Variants in HMGN3 observed in about 807,000 individuals in gnomAD.
HMGN3 encodes the protein high mobility group nucleosome-binding domain-containing protein 3.
In HMGN3, 6 loss-of-function variants were observed where a neutral mutation model predicts 18.8. The ratio of observed to expected loss-of-function variants is 0.32; its 90% CI spans 0.18 to 0.63. HMGN3 has a LOEUF of 0.63. Among genes scored for constraint, HMGN3 ranks in the 30% least tolerant of loss-of-function variants. HMGN3 has a pLI of 0.79. For synonymous variants in HMGN3, 40 were observed against 36.5 expected (o/e 1.10, Z -0.35); for missense variants, 107 against 114.2 (o/e 0.94, Z 0.29).
intron 3 of HMGN3, among the ~76,000 whole-genome samples, chr6:79,203,953 A>G (rs1269410943): frequency 6.6e-6 from 1 of 152,240 alleles, no homozygotes; most frequent in Non-Finnish European, 1.5e-5. Context: ...ACAGCACAGC[A>G]GCAAGAGGAA....
At chr6:79,222,455 T>C (rs1377522578) in intron 1 of HMGN3, among the ~76,000 whole-genome samples, 1 of 152,224 alleles carries the variant, frequency 6.6e-6, no homozygotes, top group Non-Finnish European at 1.5e-5. Flanking sequence ...AGGTTAATTC[T>C]CTCCACAAAT....
intron 1 of HMGN3, among the ~76,000 whole-genome samples, chr6:79,228,057 C>A (rs1777647165): frequency 6.6e-6 from 1 of 152,220 alleles, no homozygotes. Flanking sequence ...AGCTATAACC[C>A]CCAACCCTTT....
chr6:79,220,394 T>C (rs1434090002), intron 1 of HMGN3, among the ~76,000 whole-genome samples: 1 of 152,162 alleles, frequency 6.6e-6, no homozygotes, highest in Non-Finnish European at 1.5e-5. Context: ...TAATGACAAG[T>C]GACAGAGGGA....
At chr6:79,216,294 A>G (rs1168093085) in intron 1 of HMGN3, among the ~76,000 whole-genome samples, 1 of 152,216 alleles carries the variant, frequency 6.6e-6, no homozygotes, top group Non-Finnish European at 1.5e-5. Flanking sequence ...AGAAATGATT[A>G]AGTAAACTAT....
chr6:79,219,042 G>T (rs1342072588), intron 1 of HMGN3, among the ~76,000 whole-genome samples: 1 of 152,044 alleles, frequency 6.6e-6, no homozygotes, highest in East Asian at 1.9e-4. Flanking sequence ...CAGAGAAAGA[G>T]GTATCAGTAG....
At chr6:79,222,319 T>C (rs1238567041) in intron 1 of HMGN3, among the ~76,000 whole-genome samples, 2 of 152,172 alleles carry the variant, frequency 1.3e-5, no homozygotes, top group Non-Finnish European at 2.9e-5. Context: ...CAGTATTAAA[T>C]TGGTTAAAAA....
chr6:79,223,425 T>C (rs959007377), intron 1 of HMGN3, among the ~76,000 whole-genome samples: 29 of 152,178 alleles, frequency 1.9e-4, no homozygotes, highest in African/African-American at 7.0e-4. Context: ...GCAGGAGAAT[T>C]GCTTGAACCT....
At chr6:79,205,204 C>T (rs1030420435) in intron 3 of HMGN3, among the ~76,000 whole-genome samples, 4 of 152,208 alleles carry the variant, frequency 2.6e-5, no homozygotes, top group Admixed American at 6.5e-5. Flanking sequence ...GTTCCCTTAA[C>T]TGCCTGGAGA....
chr6:79,233,463 A>C (rs1004944754), intron 1 of HMGN3, among the ~76,000 whole-genome samples: 1 of 152,212 alleles, frequency 6.6e-6, no homozygotes, highest in African/African-American at 2.4e-5. Context: ...TGATAAAGCA[A>C]GACATTAGGT....
rs371608885 is a variant in HMGN3, at chr6:79,202,332, C to T, written c.205G>A (p.Glu69Lys). 2 of 1,614,030 alleles carry T rather than the reference C, an allele frequency of 1.2e-6. No homozygotes were observed. Among genetic ancestry groups the T allele is most frequent in the African/African-American group, 2.7e-5 (2 of 74,910 alleles). ...GGTGCAGTACCTTCCTTTCCAGCTT[C>T]CTGCTTTTCCTCCTTCTTCCCTTTA... Residue 69 changes from glutamate to lysine, a missense_variant, in exon 5 of 6, where the codon GAA becomes AAA. Coordinates refer to ENST00000344726, the Ensembl canonical transcript of HMGN3.
chr6:79,201,938 C>G (rs1776157595), intron 5 of HMGN3, 125 bp downstream of exon 6: 1 of 1,441,668 alleles, frequency 6.9e-7, no homozygotes, highest in African/African-American at 1.4e-5. Flanking sequence ...TTCTGCTTTT[C>G]AAACCACCAC....
intron 1 of HMGN3, among the ~76,000 whole-genome samples, chr6:79,226,419 C>CA (rs1200421663): frequency 2.0e-5 from 3 of 152,200 alleles, no homozygotes; most frequent in South Asian, 4.1e-4. Flanking sequence ...ATTATTAATG[C>CA]AAAGTGCTAA....
At chr6:79,230,947 A>G (rs866209920) in intron 1 of HMGN3, among the ~76,000 whole-genome samples, 2 of 152,216 alleles carry the variant, frequency 1.3e-5, no homozygotes, top group Admixed American at 1.3e-4. Flanking sequence ...AATAAGCCCA[A>G]TGCTACTGCT....
Position 79,205,743 on chromosome 6 carries a change from G to A in HMGN3, c.97-2113C>T, listed in dbSNP as rs572037897. On this transcript the variant is annotated intron_variant, in intron 3 of 5. Transcript: ENST00000344726. ...GACAGAGGTTGGAACAGTTTGGAGC[G>A]CTCAGAAGAAGACAAGAAAATGTGG... Among the ~76,000 whole-genome samples, 12 of 152,264 alleles carry A rather than the reference G, an allele frequency of 7.9e-5. No individual in the cohort carries two copies. The South Asian group carries it at 1.2e-3, about 16-fold the overall frequency.
chr6:79,220,202 TA>T (rs1172329906), intron 1 of HMGN3, among the ~76,000 whole-genome samples: 1 of 152,148 alleles, frequency 6.6e-6, no homozygotes, highest in Non-Finnish European at 1.5e-5. Context: ...AAGTTACCAT[TA>T]AAAAATGTAA....
intron 2 of HMGN3, among the ~76,000 whole-genome samples, chr6:79,212,230 A>G (rs955316931): frequency 2.0e-5 from 3 of 152,174 alleles, no homozygotes; most frequent in Admixed American, 6.5e-5. Context: ...AGATGCAGAT[A>G]TCTTTCCTGG....
chr6:79,217,983 G>T (rs977115561), intron 1 of HMGN3, among the ~76,000 whole-genome samples: 2 of 152,200 alleles, frequency 1.3e-5, no homozygotes, highest in African/African-American at 4.8e-5. Context: ...GACACAACAG[G>T]CTTACACTAA....
intron 1 of HMGN3, among the ~76,000 whole-genome samples, chr6:79,233,230 T>C (rs554335567): frequency 6.6e-6 from 1 of 152,336 alleles, no homozygotes; most frequent in Non-Finnish European, 1.5e-5. Flanking sequence ...TTAAATGAGA[T>C]AATGCAAGTC....
Position 79,211,337 on chromosome 6 carries a change from T to C in HMGN3, c.67-2761A>G, listed in dbSNP as rs71565030. Reference sequence around the variant, plus strand: ...TCTGTAAATTATTGGACTATATTTATTGGATATGAAATAGATTAGACTGCT... The same window carrying C: ...TCTGTAAATTATTGGACTATATTTACTGGATATGAAATAGATTAGACTGCT... On this transcript the variant is annotated intron_variant, in intron 2 of 5. Coordinates refer to ENST00000344726, the Ensembl canonical transcript of HMGN3. Among the ~76,000 whole-genome samples, 1,003 of 152,284 alleles carry C rather than the reference T, an allele frequency of 6.6e-3. 10 individuals carry two copies. Among genetic ancestry groups the C allele is most frequent in the Non-Finnish European group, 0.01 (688 of 68,028 alleles).
Sources: gnomAD v4.1 joint callset for allele counts (sites outside exome capture counted in the v4.1 genomes callset) on GRCh38, gnomAD v4.1.1 for gene constraint, MANE v1.5 for transcripts, NCBI Gene and HGNC (gene_info 2026-07-23, HGNC 2026-07-21) for gene names.